The following ABLIM2 variants were observed in gnomAD, a reference collection of about 807,000 sequenced individuals.
ABLIM2 encodes the protein actin-binding LIM protein 2.
ABLIM2 carries 53 observed loss-of-function variants against 97.7 expected under a neutral mutation model. The ratio of observed to expected loss-of-function variants is 0.54; its 90% CI spans 0.44 to 0.68. The LOEUF is 0.68. Among genes scored for constraint, ABLIM2 ranks in the 30% least tolerant of loss-of-function variants. The pLI, the probability that ABLIM2 is intolerant of heterozygous loss-of-function variation, is 0.00. For missense variants in ABLIM2, 835 were observed against 867.2 expected (o/e 0.96, Z 0.47); for synonymous variants, 361 against 345.8 (o/e 1.04, Z -0.49).
intron 2 of ABLIM2, among the ~76,000 whole-genome samples, chr4:8,103,662 C>A (rs1194815622): frequency 2.0e-5 from 3 of 152,236 alleles, no homozygotes; most frequent in African/African-American, 7.2e-5. Flanking sequence ...TTGACACTGT[C>A]TCATCCCATC....
chr4:8,153,358 A>C (rs1002216055), intron 1 of ABLIM2, among the ~76,000 whole-genome samples: 1 of 152,330 alleles, frequency 6.6e-6, no homozygotes, highest in Middle Eastern at 3.4e-3. Context: ...CATTGACAGA[A>C]ACCATAAAGA....
rs747901007 is a variant in ABLIM2, at chr4:8,083,553, G to A, written c.455-2751C>T. ...GGATGTGAACCTCACACCTGCCTCGGCCCCCTCATTCTCCTATCAGCAGTA... is the reference window on the plus strand; with the variant it reads ...GGATGTGAACCTCACACCTGCCTCGACCCCCTCATTCTCCTATCAGCAGTA... On this transcript the variant is annotated intron_variant, in intron 4 of 20. Transcript: ENST00000447017. The surrounding 1 kb of genome is among the most constrained non-coding windows in gnomAD (Gnocchi z 4.6). Among the ~76,000 whole-genome samples the A allele has an allele frequency of 1.4e-4, 21 of 152,178 alleles. No individual in the cohort carries two copies. Among genetic ancestry groups the A allele is most frequent in the Non-Finnish European group, 4.4e-5 (3 of 68,024 alleles).
At position 8,021,648 on chromosome 4, in the gene ABLIM2, G is replaced by C. The variant is rs771169647; in HGVS notation, c.1268-1345C>G. Among the ~76,000 whole-genome samples, 1 of 152,238 alleles carries C rather than the reference G, an allele frequency of 6.6e-6. No homozygotes were observed. The highest frequency in any genetic ancestry group is 1.5e-5 in the Non-Finnish European group (1 of 68,046). ...TGGCCAGGGACCCCACAGTGGACTCGTGAGGAGGGCTCGACAGACACTGGC... is the reference window on the plus strand; with the variant it reads ...TGGCCAGGGACCCCACAGTGGACTCCTGAGGAGGGCTCGACAGACACTGGC... On this transcript the variant is annotated intron_variant, in intron 12 of 20. Transcript: ENST00000447017. The surrounding 1 kb of genome is among the most constrained non-coding windows in gnomAD (Gnocchi z 5.5).
At chr4:8,064,308 G>C (rs971715054) in intron 6 of ABLIM2, among the ~76,000 whole-genome samples, 2 of 152,314 alleles carry the variant, frequency 1.3e-5, no homozygotes, top group Middle Eastern at 3.4e-3. Flanking sequence ...GTATTGAGAG[G>C]GGGGCCCTTA....
intron 14 of ABLIM2, among the ~76,000 whole-genome samples, chr4:8,011,744 G>A (rs1765022553): frequency 6.6e-6 from 1 of 152,204 alleles, no homozygotes; most frequent in Non-Finnish European, 1.5e-5. Flanking sequence ...TCTGAGTTCT[G>A]GAATGCATTT....
rs1475336452 is a variant in ABLIM2, at chr4:8,032,886, G to A, written c.1048-3110C>T. Among the ~76,000 whole-genome samples the A allele has an allele frequency of 6.6e-6, 1 of 152,184 alleles. No homozygotes were observed. The highest frequency in any genetic ancestry group is 1.9e-4 in the East Asian group (1 of 5,192). Reference sequence around the variant, plus strand: ...AGAAACATGGTTAATTCTTCCCAGAGAAAGAGGCCCCCGGGGAAACTGATT... The same window carrying A: ...AGAAACATGGTTAATTCTTCCCAGAAAAAGAGGCCCCCGGGGAAACTGATT... On this transcript the variant is annotated intron_variant, in intron 10 of 20. Transcript: ENST00000447017. The surrounding 1 kb of genome is among the most constrained non-coding windows in gnomAD (Gnocchi z 4.3).
chr4:8,130,938 A>G lies in ABLIM2; in HGVS notation c.11-24301T>C, dbSNP rs1849266862. On this transcript the variant is annotated intron_variant, in intron 1 of 20. Coordinates refer to ENST00000447017, the MANE Select transcript of ABLIM2 (RefSeq NM_001130083.2). This position sits in a 1 kb window ranked among gnomAD's most constrained non-coding sequence, Gnocchi z 4.2. ...GTGGCCCCAGGGCTGAGCTCCCCCA[A>G]AGGCTCTAGGGGAGGCTGCCGTTAC... Among the ~76,000 whole-genome samples, 1 of 152,042 alleles carries G rather than the reference A, an allele frequency of 6.6e-6. No individual in the cohort carries two copies. The highest frequency in any genetic ancestry group is 2.1e-4 in the South Asian group (1 of 4,816).
At position 8,125,866 on chromosome 4, in the gene ABLIM2, C is replaced by T. The variant is rs375348823; in HGVS notation, c.11-19229G>A. On this transcript the variant is annotated intron_variant, in intron 1 of 20. Coordinates refer to ENST00000447017, the MANE Select transcript of ABLIM2 (RefSeq NM_001130083.2). This position sits in a 1 kb window ranked among gnomAD's most constrained non-coding sequence, Gnocchi z 6.2. Reference sequence around the variant, plus strand: ...CAGCTCGTCCTCCTGGGCAGGAGGGCGAACTCACACTCGGCTGTGCGTGGG... The same window carrying T: ...CAGCTCGTCCTCCTGGGCAGGAGGGTGAACTCACACTCGGCTGTGCGTGGG... 5.3e-5 allele frequency among the ~76,000 whole-genome samples: 8 copies of T among 152,320 alleles called. No homozygotes were observed. The East Asian group carries it at 9.6e-4, about 18-fold the overall frequency.
chr4:8,052,266 G>T (rs1796522511), intron 8 of ABLIM2, among the ~76,000 whole-genome samples: 1 of 152,154 alleles, frequency 6.6e-6, no homozygotes, highest in African/African-American at 2.4e-5. Flanking sequence ...CCCTTCCACA[G>T]GCCTTTGGTG....
At chr4:8,129,519 C>T (rs991164137) in intron 1 of ABLIM2, among the ~76,000 whole-genome samples, 6 of 152,208 alleles carry the variant, frequency 3.9e-5, no homozygotes, top group Non-Finnish European at 8.8e-5. Flanking sequence ...GACTAAGACA[C>T]GCTGTAAGAC....
At chr4:8,000,708 C>A (rs558670906) in intron 16 of ABLIM2, among the ~76,000 whole-genome samples, 7 of 152,090 alleles carry the variant, frequency 4.6e-5, no homozygotes, top group Non-Finnish European at 8.8e-5. Flanking sequence ...GAGCTGTCCC[C>A]GGAGGCTTTG....
In ABLIM2 at chr4:8,123,474, T is replaced by C. The variant is rs537430626; in HGVS notation, c.11-16837A>G. On this transcript the variant is annotated intron_variant, in intron 1 of 20. Coordinates refer to ENST00000447017, the MANE Select transcript of ABLIM2 (RefSeq NM_001130083.2). The surrounding 1 kb of genome is among the most constrained non-coding windows in gnomAD (Gnocchi z 6.2). The stretch of plus-strand genomic sequence containing the variant: ...CCCCTCAAATTCCTGACCCTTCTCA[T>C]GTTCTCCTGATCTGCTGATTCAAGG... 2.0e-5 allele frequency among the ~76,000 whole-genome samples: 3 copies of C among 152,272 alleles called. No individual in the cohort carries two copies. Among genetic ancestry groups the C allele is most frequent in the Admixed American group, 6.5e-5 (1 of 15,302 alleles).
chr4:8,033,953 C>T lies in ABLIM2; in HGVS notation c.1047+2196G>A, dbSNP rs1425984786. Among the ~76,000 whole-genome samples, 1 of 152,212 alleles carries T rather than the reference C, an allele frequency of 6.6e-6. No homozygotes were observed. Among genetic ancestry groups the T allele is most frequent in the Non-Finnish European group, 1.5e-5 (1 of 68,032 alleles). ...CACAGAGCCCTCCCACAGGGACACA[C>T]GCACTCAAACCAGGAAGGGGTGTGC... On this transcript the variant is annotated intron_variant, in intron 10 of 20. Coordinates refer to ENST00000447017, the MANE Select transcript of ABLIM2 (RefSeq NM_001130083.2). This position sits in a 1 kb window ranked among gnomAD's most constrained non-coding sequence, Gnocchi z 4.5.
chr4:8,024,659 G>A (rs1337308393), intron 12 of ABLIM2, among the ~76,000 whole-genome samples: 1 of 152,214 alleles, frequency 6.6e-6, no homozygotes, highest in African/African-American at 2.4e-5. Context: ...TGTGGCCTCC[G>A]AGGTCGACCC....
intron 7 of ABLIM2, among the ~76,000 whole-genome samples, chr4:8,059,508 C>A (rs1333136537): frequency 6.6e-6 from 1 of 152,052 alleles, no homozygotes; most frequent in Non-Finnish European, 1.5e-5. Context: ...GCCTAAGGTG[C>A]CCCCTGTCCC....
At chr4:8,078,787 C>T (rs1459270388) in intron 5 of ABLIM2, among the ~76,000 whole-genome samples, 1 of 152,238 alleles carries the variant, frequency 6.6e-6, no homozygotes, top group African/African-American at 2.4e-5. Flanking sequence ...GGCAGGCACT[C>T]TCCAAGGTGG....
rs978876418 is a variant in ABLIM2 at position 8,125,805 on chromosome 4, G to A, written c.11-19168C>T. Among the ~76,000 whole-genome samples the A allele has an allele frequency of 6.6e-6, 1 of 152,168 alleles. No homozygotes were observed. The highest frequency in any genetic ancestry group is 2.4e-5 in the African/African-American group (1 of 41,440). ...CCTGCTGTCTGCTCTGGGCATCCAC[G>A]GCTGTCCTCAGAATGCTCCAGCACC... On this transcript the variant is annotated intron_variant, in intron 1 of 20. Transcript: ENST00000447017. The surrounding 1 kb of genome is among the most constrained non-coding windows in gnomAD (Gnocchi z 6.2).
chr4:8,091,841 TATA>T (rs1302583221), intron 3 of ABLIM2, among the ~76,000 whole-genome samples: 1 of 109,066 alleles, frequency 9.2e-6, no homozygotes, highest in Non-Finnish European at 1.7e-5. Context: ...AATAATATAA[TATA>T]TTATTTATAC....
At chr4:8,152,915 TG>T (rs897134737) in intron 1 of ABLIM2, among the ~76,000 whole-genome samples, 2 of 152,120 alleles carry the variant, frequency 1.3e-5, no homozygotes, top group African/African-American at 4.8e-5. Context: ...GTGGCAGGGC[TG>T]GGTGTGAGCC....
Sources: gnomAD v4.1 joint callset for allele counts (sites outside exome capture counted in the v4.1 genomes callset) on GRCh38, gnomAD v4.1.1 for gene constraint, Gnocchi (gnomAD v3.1) non-coding constraint, MANE v1.5 for transcripts, NCBI Gene and HGNC (gene_info 2026-07-23, HGNC 2026-07-21) for gene names.